SYT1: variants seen among roughly 807,000 people sequenced by gnomAD.
The protein encoded by SYT1 is synaptotagmin-1.
SYT1 carries 8 observed loss-of-function variants against 44.8 expected under a neutral mutation model. The observed-to-expected ratio is 0.18, with a 90% CI of 0.10 to 0.32. The LOEUF is 0.32. SYT1 is among the 10% of genes least tolerant of loss of function. SYT1 has a pLI of 1.00. For missense variants in SYT1, 286 were observed against 509.3 expected, an observed-to-expected ratio of 0.56 and a Z score of 4.22; for synonymous variants, 154 against 188.8, an observed-to-expected ratio of 0.82 and a Z score of 1.51.
intron 1 of SYT1, among the ~76,000 whole-genome samples, chr12:78,870,713 C>T (rs1037533283): frequency 6.6e-6 from 1 of 152,042 alleles, no homozygotes; most frequent in African/African-American, 2.4e-5. Flanking sequence ...ATGATGTGGC[C>T]TCCAGGGAAC....
intron 10 of SYT1, among the ~76,000 whole-genome samples, chr12:79,448,626 C>T (rs942637890): frequency 1.4e-4 from 22 of 152,200 alleles, no homozygotes; most frequent in African/African-American, 4.8e-4. Flanking sequence ...CTTAAACAAC[C>T]TCAGACAGGT....
chr12:79,320,591 T>C (rs1037726978), intron 8 of SYT1, among the ~76,000 whole-genome samples: 3 of 152,016 alleles, frequency 2.0e-5, no homozygotes, highest in Admixed American at 1.3e-4. Context: ...GCTATGGCTC[T>C]GATTTCCTCT....
At chr12:79,120,732 A>C (rs889346130) in intron 3 of SYT1, among the ~76,000 whole-genome samples, 2 of 152,116 alleles carry the variant, frequency 1.3e-5, no homozygotes, top group Non-Finnish European at 2.9e-5. Flanking sequence ...AATTCTAAGA[A>C]GATGTTCCTA....
chr12:79,051,265 AATG>A (rs1311451384), intron 3 of SYT1, among the ~76,000 whole-genome samples: 2 of 151,218 alleles, frequency 1.3e-5, no homozygotes, highest in African/African-American at 4.8e-5. Context: ...AGTTTATTAG[AATG>A]ATGTTTATAA....
chr12:78,956,599 GTGTT>G (rs1252414715), intron 1 of SYT1, among the ~76,000 whole-genome samples: 1 of 149,288 alleles, frequency 6.7e-6, no homozygotes, highest in Non-Finnish European at 1.5e-5. Flanking sequence ...AAAAAAAAAA[GTGTT>G]TATTGTCAAA....
chr12:79,201,042 C>A (rs1873755325), intron 3 of SYT1, among the ~76,000 whole-genome samples: 1 of 152,124 alleles, frequency 6.6e-6, no homozygotes, highest in African/African-American at 2.4e-5. Flanking sequence ...GATCATTTCC[C>A]AGCTGTTTCC....
intron 7 of SYT1, 116 bp from the exon 8 acceptor site, chr12:79,299,268 A>G: frequency 8.5e-7 from 1 of 1,179,160 alleles, no homozygotes; most frequent in Middle Eastern, 2.9e-4. Context: ...CCAAAAACAA[A>G]ATTATCTCCC....
chr12:79,137,152 A>G (rs1013280839), intron 3 of SYT1, among the ~76,000 whole-genome samples: 2 of 151,530 alleles, frequency 1.3e-5, no homozygotes, highest in Admixed American at 6.6e-5. Flanking sequence ...CTGGAGTGCA[A>G]TGGTGCAATC....
chr12:79,133,543 CA>C (rs540566933), intron 3 of SYT1, among the ~76,000 whole-genome samples: 1 of 151,922 alleles, frequency 6.6e-6, no homozygotes, highest in African/African-American at 2.4e-5. Context: ...ATTATGTATC[CA>C]AAAAAATTAA....
At chr12:79,238,409 G>A (rs1876314151) in intron 4 of SYT1, among the ~76,000 whole-genome samples, 1 of 152,214 alleles carries the variant, frequency 6.6e-6, no homozygotes, top group Admixed American at 6.5e-5. Flanking sequence ...AAGAGGGCCA[G>A]TGGATTTAGA....
chr12:79,104,160 T>A (rs1459204031), intron 3 of SYT1, among the ~76,000 whole-genome samples: 5 of 151,996 alleles, frequency 3.3e-5, no homozygotes, highest in Admixed American at 1.3e-4. Context: ...AGTCAATTTT[T>A]TTTTTTTTGT....
chr12:78,969,212 A>T (rs1868318992), intron 1 of SYT1, among the ~76,000 whole-genome samples: 1 of 152,202 alleles, frequency 6.6e-6, no homozygotes, highest in Admixed American at 6.5e-5. Context: ...CGTAGGTTAT[A>T]TTCAAATACT....
At chr12:79,306,814 G>A (rs1880419692) in intron 8 of SYT1, among the ~76,000 whole-genome samples, 1 of 152,152 alleles carries the variant, frequency 6.6e-6, no homozygotes, top group Non-Finnish European at 1.5e-5. Flanking sequence ...AGGAGTGGGA[G>A]TTGAAATGGG....
intron 9 of SYT1, chr12:79,419,392 A>G: frequency 2.3e-6 from 1 of 437,320 alleles, no homozygotes; most frequent in South Asian, 1.7e-5. Flanking sequence ...CATCAGTCAT[A>G]GTGGTAAGCT....
intron 8 of SYT1, among the ~76,000 whole-genome samples, chr12:79,300,266 A>T (rs1880072746): frequency 6.6e-6 from 1 of 152,188 alleles, no homozygotes; most frequent in Non-Finnish European, 1.5e-5. Flanking sequence ...TTTCTCTGCA[A>T]ACATTTCAGT....
At chr12:79,035,759 C>T (rs1281751273) in intron 2 of SYT1, among the ~76,000 whole-genome samples, 1 of 151,620 alleles carries the variant, frequency 6.6e-6, no homozygotes, top group Admixed American at 6.6e-5. Flanking sequence ...ATGACCCCTG[C>T]TCACCCCTGC....
intron 9 of SYT1, among the ~76,000 whole-genome samples, chr12:79,413,082 A>C (rs1041795158): frequency 3.9e-5 from 6 of 152,186 alleles, no homozygotes; most frequent in African/African-American, 1.4e-4. Context: ...AAGATAAGTC[A>C]TGTATGCTAA....
chr12:78,958,010 A>G (rs1879298620), intron 1 of SYT1, among the ~76,000 whole-genome samples: 1 of 152,176 alleles, frequency 6.6e-6, no homozygotes, highest in Non-Finnish European at 1.5e-5. Flanking sequence ...GCATAGTTTC[A>G]TGTGAGATCA....
At chr12:79,417,346 T>TAGTA (rs1868804848) in intron 9 of SYT1, among the ~76,000 whole-genome samples, 1 of 152,136 alleles carries the variant, frequency 6.6e-6, no homozygotes, top group Non-Finnish European at 1.5e-5. Context: ...GAATATCATG[T>TAGTA]AGTAATATGC....
Sources: gnomAD v4.1 joint callset for allele counts (sites outside exome capture counted in the v4.1 genomes callset) on GRCh38, gnomAD v4.1.1 for gene constraint, MANE v1.5 for transcripts, NCBI Gene and HGNC (gene_info 2026-07-23, HGNC 2026-07-21) for gene names.